The following FBXO33 variants were observed in gnomAD, a reference collection of about 807,000 sequenced individuals.
The protein encoded by FBXO33 is F-box protein 33, also known as F-box only protein 33.
In FBXO33, 22 loss-of-function variants were observed where a neutral mutation model predicts 46.3. That is an observed-to-expected ratio of 0.48 (90% CI 0.34 to 0.68). The LOEUF (loss-of-function observed/expected upper bound fraction) is 0.68, where lower values mean the gene tolerates loss of function less well. Ranked by LOEUF, FBXO33 falls within the 30% of genes least tolerant of loss-of-function variation. FBXO33 has a pLI of 0.01. For missense variants in FBXO33, 692 were observed against 708.8 expected, an observed-to-expected ratio of 0.98 and a Z score of 0.27; for synonymous variants, 337 against 291.3, an observed-to-expected ratio of 1.16 and a Z score of -1.60.
At chr14:39,417,415 G>A (rs1373854601) in intron 1 of FBXO33, among the ~76,000 whole-genome samples, 1 of 152,156 alleles carries the variant, frequency 6.6e-6, no homozygotes. Context: ...AGCTGATGTG[G>A]GCAAAGTGAA....
chr14:39,405,740 A>G (rs1345140962), intron 1 of FBXO33, among the ~76,000 whole-genome samples: 2 of 151,818 alleles, frequency 1.3e-5, no homozygotes, highest in African/African-American at 4.8e-5. Context: ...AAATTCATAT[A>G]TAAAATCACC....
At chr14:39,403,093 CTATG>C (rs1194139203) in intron 1 of FBXO33, among the ~76,000 whole-genome samples, 19 of 152,234 alleles carry the variant, frequency 1.2e-4, no homozygotes, top group Admixed American at 3.9e-4. Context: ...ATATGACAAA[CTATG>C]TAAGCTCTAA....
At position 39,398,426 on chromosome 14, in the gene FBXO33, T is replaced by C. The variant is rs552377222; in HGVS notation, c.*1090A>G. 27 of 152,570 alleles carry C rather than the reference T, an allele frequency of 1.8e-4. No homozygotes were observed. The highest frequency in any genetic ancestry group is 4.8e-4 in the African/African-American group (20 of 41,580). The allele number at this position is 152,570 out of a possible 1,614,324, so 9.5% of individuals were successfully genotyped here. A position where few individuals can be genotyped will look rare whatever the true frequency, so the allele number is the denominator to read the frequency against. On this transcript the variant is annotated 3_prime_UTR_variant, in exon 4 of 4. Transcript: ENST00000298097. ...CAGTTTTTCCTTTCTTTCCTTTACA[T>C]TCACTATTCACAGTGAAACAGGTGC... is the stretch of plus-strand genomic sequence containing the variant.
chr14:39,402,433 G>C lies in FBXO33; in HGVS notation c.678C>G (p.Ser226Arg), dbSNP rs2075372929. The C allele has an allele frequency of 2.5e-6, 4 of 1,579,186 alleles. No individual in the cohort carries two copies. In the Admixed American group the frequency reaches 7.1e-5, roughly 28 times the overall value. ...QQGSLSNTYL[S>R]KVDPDGKKIK... ...TTTTTTTGCCATCAGGGTCCACCTT[G>C]CTGAGGTATGTATTTGACAAACTTC... is the stretch of plus-strand genomic sequence containing the variant. The change falls in exon 2 of 4, where the codon AGC (serine) becomes AGG (arginine). Residue 226 changes from serine to arginine, a missense_variant. Physicochemically the swap from Ser to Arg is moderately radical, Grantham distance 110 (BLOSUM62 -1). Coordinates refer to ENST00000298097, the MANE Select transcript of FBXO33 (RefSeq NM_203301.4).
chr14:39,420,652 C>T (rs1247639417), intron 1 of FBXO33, among the ~76,000 whole-genome samples: 2 of 152,130 alleles, frequency 1.3e-5, no homozygotes, highest in South Asian at 2.1e-4. Context: ...GATTGCGTCA[C>T]TGCACTCCAG....
Position 39,401,389 on chromosome 14 carries a change from C to T in FBXO33, c.1183G>A (p.Glu395Lys). The stretch of plus-strand genomic sequence containing the variant: ...ATATAGCTATCAAAATGAATCCTCT[C>T]TAGTGGTATACTGGGTTTCAGAATC... ...LKILKPSIPLERIHFDSYITC... is the reference protein window; with the variant it reads ...LKILKPSIPLKRIHFDSYITC... Residue 395 changes from glutamate to lysine, a missense_variant, in exon 3 of 4, where the codon GAG becomes AAG. Transcript: ENST00000298097. 6.2e-7 allele frequency: 1 copy of T among 1,614,162 alleles called. No individual in the cohort carries two copies. The highest frequency in any genetic ancestry group is 8.5e-7 in the Non-Finnish European group (1 of 1,180,024).
intron 2 of FBXO33, among the ~76,000 whole-genome samples, 187 bp downstream of exon 2, chr14:39,402,214 A>AT (rs1483845871): frequency 6.6e-6 from 1 of 152,154 alleles, no homozygotes; most frequent in Non-Finnish European, 1.5e-5. Context: ...AAGTTACTTG[A>AT]TTTTTCTTAA....
At chr14:39,403,208 T>C (rs1416533552) in intron 1 of FBXO33, among the ~76,000 whole-genome samples, 1 of 152,218 alleles carries the variant, frequency 6.6e-6, no homozygotes, top group East Asian at 1.9e-4. Flanking sequence ...TGAAGATATC[T>C]ACTCAGTTAA....
intron 1 of FBXO33, among the ~76,000 whole-genome samples, chr14:39,420,509 A>G (rs566552400): frequency 6.6e-6 from 1 of 152,272 alleles, no homozygotes; most frequent in South Asian, 2.1e-4. Context: ...AACACGGTGA[A>G]ACCCCGTCTC....
At chr14:39,403,604 T>G (rs1484207194) in intron 1 of FBXO33, among the ~76,000 whole-genome samples, 1 of 152,170 alleles carries the variant, frequency 6.6e-6, no homozygotes, top group East Asian at 1.9e-4. Flanking sequence ...TTAGATAATT[T>G]TAGCTACAAA....
At position 39,432,264 on chromosome 14, in the gene FBXO33, C is replaced by T; in HGVS notation, c.-102G>A. 1.0e-6 allele frequency: 1 copy of T among 1,004,052 alleles called. No homozygotes were observed. The highest frequency in any genetic ancestry group is 1.2e-6 in the Non-Finnish European group (1 of 800,076). 62.2% of individuals were successfully genotyped at this position (1,004,052 alleles called of 1,614,324 possible). On this transcript the variant is annotated 5_prime_UTR_variant, in exon 1 of 4. Transcript: ENST00000298097. ...GAAAGGCCTCTGCGGGCGTGGCCTG[C>T]CGGGAGCCAGCCTCTGTCTTCTCAA...
chr14:39,405,886 T>G (rs1173126913), intron 1 of FBXO33, among the ~76,000 whole-genome samples: 2 of 145,242 alleles, frequency 1.4e-5, no homozygotes, highest in Non-Finnish European at 3.1e-5. Flanking sequence ...CTTTAAAAAG[T>G]TTTAGTCACT....
At chr14:39,421,934 T>C (rs186780709) in intron 1 of FBXO33, among the ~76,000 whole-genome samples, 54 of 152,310 alleles carry the variant, frequency 3.5e-4, no homozygotes, top group African/African-American at 1.2e-3. Flanking sequence ...TTCTTTGTAC[T>C]TTATTCCACT....
intron 1 of FBXO33, among the ~76,000 whole-genome samples, chr14:39,412,339 AAGT>A (rs1239822383): frequency 6.6e-6 from 1 of 152,166 alleles, no homozygotes; most frequent in Non-Finnish European, 1.5e-5. Flanking sequence ...TTTTGACTTA[AAGT>A]CTATTTTCTA....
chr14:39,417,781 G>T (rs1255999248), intron 1 of FBXO33, among the ~76,000 whole-genome samples: 1 of 151,984 alleles, frequency 6.6e-6, no homozygotes, highest in Non-Finnish European at 1.5e-5. Flanking sequence ...CACTCGCCTC[G>T]GCCTCCCAAA....
At chr14:39,400,063 G>A (rs1333928536) in intron 3 of FBXO33, among the ~76,000 whole-genome samples, 1 of 152,128 alleles carries the variant, frequency 6.6e-6, no homozygotes, top group Non-Finnish European at 1.5e-5. Context: ...ACTTCATTCA[G>A]TAAAATAGAC....
chr14:39,402,602 C>G (rs542665367), intron 1 of FBXO33, 91 bp from the exon 2 acceptor site: 108 of 502,078 alleles, frequency 2.2e-4, no homozygotes, highest in African/African-American at 1.8e-3. Context: ...AGGGGATATT[C>G]TAGGAAGGTT....
chr14:39,426,820 T>C lies in FBXO33; in HGVS notation c.599+4744A>G, dbSNP rs537971996. On this transcript the variant is annotated intron_variant, in intron 1 of 3. Transcript: ENST00000298097. ...AAAGAGGTTTCCCTGACACTTTACC[T>C]AATGTTGCCACCTAGTGACTATTAC... Among the ~76,000 whole-genome samples the C allele has an allele frequency of 2.0e-5, 3 of 152,380 alleles. No individual in the cohort carries two copies. In the South Asian group the frequency reaches 6.2e-4, roughly 32 times the overall value.
rs2075358123 is a variant in FBXO33, at chr14:39,399,419, AAC to A, written c.*95_*96del. The A allele has an allele frequency of 9.2e-7, 1 of 1,085,898 alleles. No homozygotes were observed. Among genetic ancestry groups the A allele is most frequent in the African/African-American group, 1.6e-5 (1 of 62,774 alleles). 67.3% of individuals were successfully genotyped at this position (1,085,898 alleles called of 1,614,324 possible). On this transcript the variant is annotated 3_prime_UTR_variant, in exon 4 of 4. Transcript: ENST00000298097. ...AATTCTATAAAGCTAATACTGATTAAACACAGCACAAAAGGATTAATTCACAC... is the reference window on the plus strand; with the variant it reads ...AATTCTATAAAGCTAATACTGATTAAACAGCACAAAAGGATTAATTCACAC...
Sources: allele counts gnomAD v4.1 joint callset (sites outside exome capture counted in the v4.1 genomes callset), GRCh38; gene constraint gnomAD v4.1.1; transcripts MANE v1.5; gene names NCBI Gene and HGNC (gene_info 2026-07-23, HGNC 2026-07-21).